STX18: variants seen among roughly 807,000 people sequenced by gnomAD.
The protein encoded by STX18 is syntaxin-18.
STX18 carries 40 observed loss-of-function variants against 50.1 expected under a neutral mutation model. That is an observed-to-expected ratio of 0.80 (90% confidence interval 0.62 to 1.04). STX18 has a LOEUF of 1.04. Ranked by LOEUF, STX18 falls within the 50% of genes least tolerant of loss-of-function variation. The pLI, the probability that STX18 is intolerant of heterozygous loss-of-function variation, is 0.00. For synonymous variants in STX18, 158 were observed against 151.8 expected, an observed-to-expected ratio of 1.04 and a Z score of -0.30; for missense variants, 410 against 415.8, an observed-to-expected ratio of 0.99 and a Z score of 0.12.
chr4:4,444,593 T>G (rs184161567), intron 5 of STX18, among the ~76,000 whole-genome samples: 652 of 152,352 alleles, frequency 4.3e-3, no homozygotes, highest in Non-Finnish European at 7.8e-3. Context: ...GTACCTGATC[T>G]CTCCTGGAGT....
chr4:4,444,380 G>T (rs747827703), intron 5 of STX18, among the ~76,000 whole-genome samples: 3 of 152,172 alleles, frequency 2.0e-5, no homozygotes, highest in Non-Finnish European at 4.4e-5. Context: ...ACCTCTGGAG[G>T]GGCTGGAGAC....
chr4:4,438,626 C>T, intron 5 of STX18, 117 bp from the exon 6 acceptor site: 2 of 751,776 alleles, frequency 2.7e-6, no homozygotes, highest in Non-Finnish European at 4.3e-6. Flanking sequence ...TACTGGGGAG[C>T]AGTCACTGCC....
At chr4:4,537,954 G>C (rs1279204216) in intron 1 of STX18, among the ~76,000 whole-genome samples, 1 of 152,170 alleles carries the variant, frequency 6.6e-6, no homozygotes, top group Non-Finnish European at 1.5e-5. Context: ...CAGAGGGAGA[G>C]CAGCATTAAA....
intron 5 of STX18, among the ~76,000 whole-genome samples, chr4:4,441,210 A>G (rs565572994): frequency 6.6e-6 from 1 of 152,324 alleles, no homozygotes; most frequent in African/African-American, 2.4e-5. Context: ...TGCCCAACAC[A>G]TTCACGATGG....
intron 1 of STX18, among the ~76,000 whole-genome samples, chr4:4,485,010 C>A (rs1182359988): frequency 6.6e-6 from 1 of 152,206 alleles, no homozygotes; most frequent in African/African-American, 2.4e-5. Context: ...CAATCCAAAC[C>A]CCATCTGGTC....
chr4:4,500,930 G>A (rs1018377936), intron 1 of STX18, among the ~76,000 whole-genome samples: 6 of 152,166 alleles, frequency 3.9e-5, no homozygotes, highest in Admixed American at 6.5e-5. Flanking sequence ...TCAGCTACTC[G>A]GGAGGCTGAA....
chr4:4,479,377 C>T (rs1728349868), intron 1 of STX18, among the ~76,000 whole-genome samples: 1 of 152,202 alleles, frequency 6.6e-6, no homozygotes, highest in African/African-American at 2.4e-5. Context: ...ACAAAGATGA[C>T]TCTGCTGTCC....
chr4:4,466,004 C>T (rs1214640316), intron 2 of STX18, among the ~76,000 whole-genome samples: 1 of 152,264 alleles, frequency 6.6e-6, no homozygotes, highest in Admixed American at 6.5e-5. Flanking sequence ...AATCATGGCA[C>T]TATAAACATG....
At chr4:4,463,862 C>A (rs966934089) in intron 2 of STX18, among the ~76,000 whole-genome samples, 1 of 151,938 alleles carries the variant, frequency 6.6e-6, no homozygotes, top group Non-Finnish European at 1.5e-5. Flanking sequence ...TTAGTATATT[C>A]CAAAATAATG....
At chr4:4,466,709 T>C (rs139360180) in intron 2 of STX18, among the ~76,000 whole-genome samples, 158 of 152,296 alleles carry the variant, frequency 1.0e-3, no homozygotes, top group African/African-American at 3.5e-3. Context: ...GCCTATGACA[T>C]GCATTTAGGA....
intron 7 of STX18, 71 bp from the exon 8 acceptor site, chr4:4,425,293 CCTACGCTCCAGGAA>C: frequency 5.0e-6 from 7 of 1,403,628 alleles, no homozygotes; most frequent in Non-Finnish European, 7.1e-6. Context: ...AGAAAGCGGA[CCTACGCTCCAGGAA>C]TCACTGCCGA....
At chr4:4,494,946 G>A (rs1391565104) in intron 1 of STX18, among the ~76,000 whole-genome samples, 1 of 152,166 alleles carries the variant, frequency 6.6e-6, no homozygotes, top group Non-Finnish European at 1.5e-5. Flanking sequence ...GTAGGGCCCT[G>A]TAAAAATTAT....
intron 5 of STX18, among the ~76,000 whole-genome samples, chr4:4,446,155 T>TC (rs35027679): frequency 0.013 from 1,898 of 150,772 alleles, 47 homozygotes; most frequent in African/African-American, 0.043. Context: ...CCCCAGTTAT[T>TC]ATATAGAATA....
chr4:4,510,286 T>C (rs1729936284), intron 1 of STX18, among the ~76,000 whole-genome samples: 1 of 152,162 alleles, frequency 6.6e-6, no homozygotes, highest in African/African-American at 2.4e-5. Flanking sequence ...TCATCCCCAG[T>C]CATAGTTTTT....
chr4:4,524,921 G>C (rs756436263), intron 1 of STX18, among the ~76,000 whole-genome samples: 2 of 152,144 alleles, frequency 1.3e-5, no homozygotes, highest in Non-Finnish European at 2.9e-5. Context: ...GAGAGGGTGA[G>C]AGTGGACCGC....
intron 5 of STX18, among the ~76,000 whole-genome samples, chr4:4,448,124 C>T (rs1338690407): frequency 2.0e-5 from 3 of 152,140 alleles, no homozygotes; most frequent in Non-Finnish European, 2.9e-5. Flanking sequence ...CTTGGCCACA[C>T]TGCACACCAG....
chr4:4,443,990 G>C (rs13130805), intron 5 of STX18, among the ~76,000 whole-genome samples: 5,106 of 152,040 alleles, frequency 0.034, 107 homozygotes, highest in Non-Finnish European at 0.05. Context: ...CTCCTAGTAC[G>C]TCTTGTCTGA....
intron 1 of STX18, chr4:4,478,651 C>T (rs1418769718): frequency 6.6e-6 from 1 of 152,244 alleles, no homozygotes; most frequent in South Asian, 2.1e-4. Context: ...GTTCTACTCC[C>T]TGCTTTGCCA....
chr4:4,465,617 G>A (rs1036651478), intron 2 of STX18, among the ~76,000 whole-genome samples: 1 of 152,194 alleles, frequency 6.6e-6, no homozygotes, highest in African/African-American at 2.4e-5. Flanking sequence ...GGAGGATCAG[G>A]GGTGGGAGAA....
Sources: allele counts gnomAD v4.1 joint callset (sites outside exome capture counted in the v4.1 genomes callset), GRCh38; gene constraint gnomAD v4.1.1; transcripts MANE v1.5; gene names NCBI Gene and HGNC (gene_info 2026-07-23, HGNC 2026-07-21).